The following DPYSL4 variants were observed in gnomAD, a reference collection of about 807,000 sequenced individuals.
DPYSL4 encodes dihydropyrimidinase-related protein 4.
In DPYSL4, 43 loss-of-function variants were observed where a neutral mutation model predicts 63.4. The observed-to-expected ratio is 0.68, with a 90% CI of 0.53 to 0.88. The LOEUF (loss-of-function observed/expected upper bound fraction) is 0.88, where lower values mean the gene tolerates loss of function less well. Ranked by LOEUF, DPYSL4 falls within the 40% of genes least tolerant of loss-of-function variation. The pLI is 0.00. For missense variants in DPYSL4, 733 were observed against 819.5 expected, an observed-to-expected ratio of 0.89 and a Z score of 1.29; for synonymous variants, 353 against 331.7, an observed-to-expected ratio of 1.06 and a Z score of -0.70.
Position 132,198,919 on chromosome 10 carries a change from C to T in DPYSL4, c.759C>T (p.Thr253=). Reference sequence around the variant, plus strand: ...AGGCAAACTGCCCGCTGTACGTCACCAAGGTGATGAGCAAGGGGGCGGCCG... The same window carrying T: ...AGGCAAACTGCCCGCTGTACGTCACTAAGGTGATGAGCAAGGGGGCGGCCG... ...AKQANCPLYV[T]KVMSKGAADA... Residue 253 remains threonine (T), a synonymous_variant, in exon 8 of 14, where the codon ACC becomes ACT. Transcript: ENST00000338492. 6.2e-7 allele frequency: 1 copy of T among 1,612,954 alleles called. No individual in the cohort carries two copies. Among genetic ancestry groups the T allele is most frequent in the Non-Finnish European group, 8.5e-7 (1 of 1,179,936 alleles).
chr10:132,196,741 G>A lies in DPYSL4; in HGVS notation c.479-120G>A, dbSNP rs2061950381. On this transcript the variant is annotated intron_variant, in intron 4 of 13. Coordinates refer to ENST00000338492, the MANE Select transcript of DPYSL4 (RefSeq NM_006426.3). Reference sequence around the variant, plus strand: ...GCTCCCAGGGCTGGCAAGCCAGTGAGGGAAGCACTGCGGGGGAGGGGCCCA... The same window carrying A: ...GCTCCCAGGGCTGGCAAGCCAGTGAAGGAAGCACTGCGGGGGAGGGGCCCA... 15 of 1,138,124 alleles carry A rather than the reference G, an allele frequency of 1.3e-5. No individual in the cohort carries two copies. In the South Asian group the frequency reaches 1.6e-4, roughly 12 times the overall value. The allele number at this position is 1,138,124 out of a possible 1,614,324, so 70.5% of individuals were successfully genotyped here. A position where few individuals can be genotyped will look rare whatever the true frequency, so the allele number is the denominator to read the frequency against.
At chr10:132,201,160 C>T (rs2062012298) in intron 10 of DPYSL4, among the ~76,000 whole-genome samples, 177 bp downstream of exon 10, 2 of 152,146 alleles carry the variant, frequency 1.3e-5, no homozygotes, top group Admixed American at 1.3e-4. Flanking sequence ...GGTTCTGGCC[C>T]CTCCAGATGA....
At chr10:132,202,195 G>A in intron 11 of DPYSL4, 79 bp downstream of exon 11, 5 of 1,525,552 alleles carry the variant, frequency 3.3e-6, no homozygotes, top group South Asian at 1.3e-5. Context: ...GAGAGGCGCA[G>A]GACAGAGGCC....
chr10:132,196,022 G>A (rs1464246452), intron 4 of DPYSL4, among the ~76,000 whole-genome samples: 6 of 152,240 alleles, frequency 3.9e-5, no homozygotes, highest in African/African-American at 1.2e-4. Context: ...ACACTCGGGG[G>A]CAGGCCTCAA....
Position 132,187,006 on chromosome 10 carries a change from C to G in DPYSL4, c.-58C>G. The stretch of plus-strand genomic sequence containing the variant: ...CCCGGCTCACGCGTCCCCCCGCCCG[C>G]CCGCCCGCCCGCCCGCCCCCGCTTG... On this transcript the variant is annotated 5_prime_UTR_variant, in exon 1 of 14. Coordinates refer to ENST00000338492, the MANE Select transcript of DPYSL4 (RefSeq NM_006426.3). 5.5e-5 allele frequency: 1 copy of G among 18,300 alleles called. No homozygotes were observed. The highest frequency in any genetic ancestry group is 1.2e-4 in the Non-Finnish European group (1 of 8,650). The allele number at this position is 18,300 out of a possible 1,614,324, so 1.1% of individuals were successfully genotyped here.
chr10:132,202,498 C>T (rs2062031982), intron 11 of DPYSL4, 148 bp from the exon 12 acceptor site: 2 of 1,054,844 alleles, frequency 1.9e-6, no homozygotes, highest in Non-Finnish European at 2.7e-6. Flanking sequence ...AGTTCCAACC[C>T]CTCAGTTCCA....
chr10:132,202,943 G>C, intron 12 of DPYSL4, 118 bp downstream of exon 12: 2 of 1,272,466 alleles, frequency 1.6e-6, no homozygotes, highest in Non-Finnish European at 2.1e-6. Context: ...AAGACAGAGC[G>C]GGGCCGCTGC....
At chr10:132,190,146 T>C (rs914263023) in intron 1 of DPYSL4, among the ~76,000 whole-genome samples, 1 of 152,272 alleles carries the variant, frequency 6.6e-6, no homozygotes, top group African/African-American at 2.4e-5. Flanking sequence ...CTCTGCGCAT[T>C]CGTCACCGAC....
At chr10:132,199,001 AGGGG>A in intron 8 of DPYSL4, 30 bp downstream of exon 8, 1 of 1,219,728 alleles carries the variant, frequency 8.2e-7, no homozygotes, top group South Asian at 1.5e-5. Flanking sequence ...TCTGATGCCG[AGGGG>A]CCATGGTCTC....
At position 132,203,507 on chromosome 10, in the gene DPYSL4, GCA is replaced by G. The variant is rs1021828878; in HGVS notation, c.1462-248_1462-247del. 8.0e-5 allele frequency: 42 copies of G among 522,654 alleles called. No individual in the cohort carries two copies. In the Admixed American group the frequency reaches 9.0e-4, roughly 11 times the overall value. 32.4% of individuals were successfully genotyped at this position (522,654 alleles called of 1,614,324 possible). ...GGTAAGACTGAGGGGAGGGACGTTT[GCA>G]CACACATGCAGATGGGACCGCAGGC... is the stretch of plus-strand genomic sequence containing the variant. On this transcript the variant is annotated intron_variant, in intron 12 of 13. Transcript: ENST00000338492.
chr10:132,190,695 G>T, intron 1 of DPYSL4, 52 bp from the exon 2 acceptor site: 1 of 1,512,152 alleles, frequency 6.6e-7, no homozygotes, highest in Non-Finnish European at 9.2e-7. Flanking sequence ...CACCAAGAGT[G>T]TTACTGAGTA....
At chr10:132,189,917 G>C (rs188893843) in intron 1 of DPYSL4, among the ~76,000 whole-genome samples, 3 of 152,186 alleles carry the variant, frequency 2.0e-5, no homozygotes, top group African/African-American at 7.2e-5. Flanking sequence ...TCTGGGCACC[G>C]ACTTGCCTCT....
At position 132,192,907 on chromosome 10, in the gene DPYSL4, GGT is replaced by G. The variant is rs1241784890; in HGVS notation, c.313+73_313+74del. 12 of 1,488,552 alleles carry G rather than the reference GGT, an allele frequency of 8.1e-6. No homozygotes were observed. In the East Asian group the frequency reaches 2.6e-4, roughly 32 times the overall value. The allele number at this position is 1,488,552 out of a possible 1,614,324, so 92.2% of individuals were successfully genotyped here. On this transcript the variant is annotated intron_variant, in intron 3 of 13. Coordinates refer to ENST00000338492, the MANE Select transcript of DPYSL4 (RefSeq NM_006426.3). ...CGTCTGCTGCCCCTCTCTCTGGCCA[GGT>G]GTGTGTGGGAGGAGGAGTGTCGCCT...
rs377338116 is a variant in DPYSL4 at position 132,202,629 on chromosome 10, C to T, written c.1282-17C>T. On this transcript the variant is annotated splice_polypyrimidine_tract_variant and intron_variant, in intron 11 of 13. Transcript: ENST00000338492. Reference sequence around the variant, plus strand: ...CCCCAGCGTGGAGGCACTGGACCCTCGGGCCTCTCTCCCCAGAACGTGGAG... The same window carrying T: ...CCCCAGCGTGGAGGCACTGGACCCTTGGGCCTCTCTCCCCAGAACGTGGAG... 1.5e-5 allele frequency: 24 copies of T among 1,610,426 alleles called. No individual in the cohort carries two copies. The highest frequency in any genetic ancestry group is 4.5e-5 in the East Asian group (2 of 44,888).
Position 132,190,795 on chromosome 10 carries a change from T to C in DPYSL4, c.88T>C (p.Ser30Pro). Residue 30 changes from serine to proline, a missense_variant, in exon 2 of 14, where the codon TCC (serine) becomes CCC (proline). Coordinates refer to ENST00000338492, the MANE Select transcript of DPYSL4 (RefSeq NM_006426.3). ...TGGGAGGATCGTGAATGACGACCAG[T>C]CCTTTTACGCTGATGTGCACGTGGA... ...RGGRIVNDDQSFYADVHVEDG... is the reference protein window; with the variant it reads ...RGGRIVNDDQPFYADVHVEDG... 6.2e-7 allele frequency: 1 copy of C among 1,613,840 alleles called. No individual in the cohort carries two copies. The highest frequency in any genetic ancestry group is 8.5e-7 in the Non-Finnish European group (1 of 1,179,854).
At chr10:132,197,343 ACTT>A (rs1170495136) in intron 6 of DPYSL4, among the ~76,000 whole-genome samples, 3 of 152,204 alleles carry the variant, frequency 2.0e-5, no homozygotes, top group Non-Finnish European at 4.4e-5. Context: ...CTTGATCAAC[ACTT>A]CTTATCCAAA....
At chr10:132,189,568 T>C (rs1406612597) in intron 1 of DPYSL4, among the ~76,000 whole-genome samples, 1 of 151,102 alleles carries the variant, frequency 6.6e-6, no homozygotes, top group Non-Finnish European at 1.5e-5. Context: ...CCACTGGGAG[T>C]GCGTCCGAGC....
In DPYSL4 at chr10:132,204,955, C is replaced by A. The variant is rs754778283; in HGVS notation, c.*25C>A. On this transcript the variant is annotated 3_prime_UTR_variant, in exon 14 of 14. Transcript: ENST00000338492. ...GACGCCCAGGACCGGCCCTGTGAGCCGTGCTGGCCCCACCCGAGGCCGCGG... is the reference window on the plus strand; with the variant it reads ...GACGCCCAGGACCGGCCCTGTGAGCAGTGCTGGCCCCACCCGAGGCCGCGG... The A allele has an allele frequency of 1.9e-6, 3 of 1,578,722 alleles. No individual in the cohort carries two copies. Among genetic ancestry groups the A allele is most frequent in the South Asian group, 2.3e-5 (2 of 86,036 alleles).
chr10:132,192,254 C>T, intron 2 of DPYSL4: 2 of 954,648 alleles, frequency 2.1e-6, no homozygotes, highest in Non-Finnish European at 2.5e-6. Context: ...AGCAGGACAC[C>T]AGCTTCCACG....
Sources: gnomAD v4.1 joint callset for allele counts (sites outside exome capture counted in the v4.1 genomes callset) on GRCh38, gnomAD v4.1.1 for gene constraint, MANE v1.5 for transcripts, NCBI Gene and HGNC (gene_info 2026-07-23, HGNC 2026-07-21) for gene names.